Variants in TCF4 observed in about 807,000 individuals in gnomAD.
TCF4 encodes SL3-3 enhancer factor 2.
Under a neutral mutation model 82.1 loss-of-function variants are expected in TCF4, and 3 were observed. The ratio of observed to expected loss-of-function variants is 0.04; its 90% confidence interval spans 0.02 to 0.09. The LOEUF is 0.09. TCF4 is among the 10% of genes least tolerant of loss of function. TCF4 has a pLI of 1.00. For synonymous variants in TCF4, 276 were observed against 309.6 expected (o/e 0.89, Z 1.14); for missense variants, 518 against 852.7 (o/e 0.61, Z 4.89).
At chr18:55,554,194 T>A (rs1199032977) in intron 3 of TCF4, among the ~76,000 whole-genome samples, 3 of 152,188 alleles carry the variant, frequency 2.0e-5, no homozygotes, top group South Asian at 4.1e-4. Context: ...TAGACTCTTA[T>A]GGGTAATGCC....
chr18:55,421,618 C>T (rs938567365), intron 5 of TCF4, among the ~76,000 whole-genome samples: 4 of 152,194 alleles, frequency 2.6e-5, no homozygotes, highest in East Asian at 1.9e-4. Context: ...TAAAGAAGTA[C>T]ACTTCTATTT....
intron 8 of TCF4, among the ~76,000 whole-genome samples, chr18:55,324,884 C>T (rs992033479): frequency 2.0e-5 from 3 of 152,086 alleles, no homozygotes; most frequent in Non-Finnish European, 4.4e-5. Flanking sequence ...GAAGTGTTGA[C>T]CACTTAAATG....
chr18:55,578,362 T>A (rs1281485078), intron 3 of TCF4, among the ~76,000 whole-genome samples: 1 of 152,124 alleles, frequency 6.6e-6, no homozygotes, highest in Non-Finnish European at 1.5e-5. Context: ...AGGACATGTG[T>A]ATTTGTGTCC....
At chr18:55,544,337 A>G (rs1014116196) in intron 3 of TCF4, among the ~76,000 whole-genome samples, 1 of 152,170 alleles carries the variant, frequency 6.6e-6, no homozygotes, top group African/African-American at 2.4e-5. Flanking sequence ...TTCAATCCTC[A>G]CAACATACTA....
chr18:55,279,812 C>T, intron 8 of TCF4, 156 bp from the exon 9 acceptor site: 1 of 1,198,534 alleles, frequency 8.3e-7, no homozygotes, highest in South Asian at 1.6e-5. Flanking sequence ...TCCGAACACA[C>T]TAAAACAAAC....
intron 2 of TCF4, among the ~76,000 whole-genome samples, chr18:55,614,157 T>A (rs557422920): frequency 7.2e-5 from 11 of 152,312 alleles, no homozygotes; most frequent in Non-Finnish European, 1.2e-4. Flanking sequence ...AGCCTTCCAA[T>A]GTGCGGGGAC....
intron 8 of TCF4, among the ~76,000 whole-genome samples, chr18:55,308,762 AAGGT>A (rs1260442443): frequency 1.3e-5 from 2 of 152,254 alleles, no homozygotes; most frequent in Non-Finnish European, 2.9e-5. Context: ...AAAGTGCTAC[AAGGT>A]AGCATTAAAA....
chr18:55,343,784 A>G (rs541918317), intron 8 of TCF4, among the ~76,000 whole-genome samples: 7 of 152,300 alleles, frequency 4.6e-5, no homozygotes, highest in Non-Finnish European at 8.8e-5. Context: ...ATTTAAAACT[A>G]TAAGTTTTGC....
intron 8 of TCF4, among the ~76,000 whole-genome samples, chr18:55,307,741 C>T (rs982024275): frequency 1.3e-5 from 2 of 152,126 alleles, no homozygotes; most frequent in Admixed American, 1.3e-4. Context: ...TTCTCAACAC[C>T]ATAATTATTA....
intron 3 of TCF4, among the ~76,000 whole-genome samples, chr18:55,532,990 G>A (rs756814856): frequency 1.6e-4 from 24 of 152,138 alleles, no homozygotes; most frequent in Admixed American, 3.3e-4. Context: ...CCAACACAGT[G>A]TAGTTATATG....
intron 6 of TCF4, among the ~76,000 whole-genome samples, chr18:55,359,762 G>T (rs2084611426): frequency 1.3e-5 from 2 of 152,124 alleles, no homozygotes; most frequent in Non-Finnish European, 2.9e-5. Context: ...TATGCAAAAG[G>T]CTCAATGCCT....
At chr18:55,261,679 G>C in intron 11 of TCF4, 146 bp from the exon 12 acceptor site, 1 of 912,304 alleles carries the variant, frequency 1.1e-6, no homozygotes, top group Non-Finnish European at 1.8e-6. Flanking sequence ...TTTGTTTGCT[G>C]AGGTAGATGT....
At chr18:55,558,647 T>G (rs550388104) in intron 3 of TCF4, among the ~76,000 whole-genome samples, 1 of 152,294 alleles carries the variant, frequency 6.6e-6, no homozygotes, top group African/African-American at 2.4e-5. Flanking sequence ...AATTTCTTAA[T>G]AGATTACATT....
intron 3 of TCF4, among the ~76,000 whole-genome samples, chr18:55,584,273 C>G (rs905576622): frequency 1.1e-4 from 17 of 152,116 alleles, no homozygotes; most frequent in African/African-American, 3.9e-4. Context: ...GACAATTCCA[C>G]TGGCATCTCA....
chr18:55,365,249 G>GTATATATATA (rs375008306), intron 6 of TCF4, among the ~76,000 whole-genome samples: 1 of 127,412 alleles, frequency 7.8e-6, no homozygotes, highest in Admixed American at 7.9e-5. Context: ...ATATGTGTGT[G>GTATATATATA]TATATATATA....
chr18:55,494,992 A>G (rs1568223335), intron 3 of TCF4, among the ~76,000 whole-genome samples: 1 of 151,644 alleles, frequency 6.6e-6, no homozygotes, highest in Non-Finnish European at 1.5e-5. Context: ...AAATCTACAC[A>G]AAGAAACACA....
At chr18:55,412,127 C>T (rs1174084411) in intron 5 of TCF4, among the ~76,000 whole-genome samples, 1 of 152,072 alleles carries the variant, frequency 6.6e-6, no homozygotes, top group African/African-American at 2.4e-5. Context: ...AGGCACAGCT[C>T]TATAGGTTAC....
chr18:55,445,278 G>A (rs534477376), intron 5 of TCF4, among the ~76,000 whole-genome samples: 101 of 152,086 alleles, frequency 6.6e-4, no homozygotes, highest in Non-Finnish European at 1.1e-3. Context: ...GTGTATTAGA[G>A]CATTTTTATA....
Position 55,605,188 on chromosome 18 carries a change from T to C in TCF4, c.287-18052A>G, listed in dbSNP as rs373575569. Reference sequence around the variant, plus strand: ...GCCAGGTAGCAGTGGGTGCTGGCATTAGCACAGCATGTGGCCTAGACTGAA... The same window carrying C: ...GCCAGGTAGCAGTGGGTGCTGGCATCAGCACAGCATGTGGCCTAGACTGAA... On this transcript the variant is annotated intron_variant, in intron 2 of 20. Transcript: ENST00000398339. Among the ~76,000 whole-genome samples, 44 of 152,248 alleles carry C rather than the reference T, an allele frequency of 2.9e-4. No homozygotes were observed. The East Asian group carries it at 5.0e-3, about 17-fold the overall frequency.
Sources: allele counts gnomAD v4.1 joint callset (sites outside exome capture counted in the v4.1 genomes callset), GRCh38; gene constraint gnomAD v4.1.1; transcripts MANE v1.5; gene names NCBI Gene and HGNC (gene_info 2026-07-23, HGNC 2026-07-21).